The following GPC5 variants were observed in gnomAD, a reference collection of about 807,000 sequenced individuals.
GPC5 encodes the protein glypican-5.
A neutral mutation model predicts 53.9 loss-of-function variants in GPC5; 47 were observed. That is an observed-to-expected ratio of 0.87 (90% CI 0.69 to 1.11). The LOEUF is 1.11. Ranked by LOEUF, GPC5 falls within the 50% of genes most tolerant of loss-of-function variation. GPC5 has a pLI of 0.00. For synonymous variants in GPC5, 286 were observed against 263.3 expected (o/e 1.09, Z -0.84); for missense variants, 748 against 713.1 (o/e 1.05, Z -0.56).
chr13:92,754,962 G>C (rs1274862496), intron 7 of GPC5, among the ~76,000 whole-genome samples: 3 of 151,940 alleles, frequency 2.0e-5, no homozygotes, highest in African/African-American at 7.3e-5. Flanking sequence ...ATTGAACTCA[G>C]CTCTGCACCA....
intron 7 of GPC5, among the ~76,000 whole-genome samples, chr13:92,414,656 G>T (rs187842621): frequency 1.2e-3 from 177 of 152,290 alleles, no homozygotes; most frequent in South Asian, 3.9e-3. Flanking sequence ...GTCTGAGTTT[G>T]TTTGGGTTGT....
intron 7 of GPC5, among the ~76,000 whole-genome samples, chr13:92,361,061 C>T (rs1383312435): frequency 6.6e-6 from 1 of 151,766 alleles, no homozygotes; most frequent in East Asian, 1.9e-4. Flanking sequence ...TTAGTTGTAG[C>T]AGATGGCTGC....
chr13:91,961,950 CTG>C (rs2040129985), intron 6 of GPC5, among the ~76,000 whole-genome samples: 1 of 152,070 alleles, frequency 6.6e-6, no homozygotes, highest in South Asian at 2.1e-4. Flanking sequence ...ATGTATAAAT[CTG>C]TAACTTTTTC....
chr13:92,303,491 A>C (rs370063435), intron 7 of GPC5, among the ~76,000 whole-genome samples: 4 of 152,138 alleles, frequency 2.6e-5, no homozygotes, highest in Non-Finnish European at 4.4e-5. Flanking sequence ...ATAATACTAA[A>C]AATTTAAGAC....
chr13:92,401,275 T>C (rs1875546601), intron 7 of GPC5, among the ~76,000 whole-genome samples: 1 of 152,046 alleles, frequency 6.6e-6, no homozygotes, highest in Non-Finnish European at 1.5e-5. Context: ...GAAGTCTTTA[T>C]ATCTCCTGGG....
intron 7 of GPC5, among the ~76,000 whole-genome samples, chr13:92,367,862 G>A (rs1334968040): frequency 1.3e-5 from 2 of 152,162 alleles, no homozygotes; most frequent in African/African-American, 4.8e-5. Context: ...TGGAAATGAG[G>A]ACGGTGCAGG....
chr13:91,728,538 A>G lies in GPC5; in HGVS notation c.1027A>G (p.Arg343Gly). 1 of 1,610,220 alleles carries G rather than the reference A, an allele frequency of 6.2e-7. No individual in the cohort carries two copies. Among genetic ancestry groups the G allele is most frequent in the Non-Finnish European group, 8.5e-7 (1 of 1,178,050 alleles). ...NGQKLLEQVN[R>G]ICGRPVRTPT... ...AATGTTTTCTATTTAAAAGGTAAATAGGATTTGTGGCCGCCCTGTAAGAAC... is the reference window on the plus strand; with the variant it reads ...AATGTTTTCTATTTAAAAGGTAAATGGGATTTGTGGCCGCCCTGTAAGAAC... The change falls in exon 4 of 8, where the codon AGG (arginine) becomes GGG (glycine). Residue 343 changes from arginine to glycine, a missense_variant. Arg to Gly is a moderately radical substitution (Grantham distance 125). Transcript: ENST00000377067.
At chr13:92,127,904 C>A (rs1443845637) in intron 6 of GPC5, among the ~76,000 whole-genome samples, 2 of 152,004 alleles carry the variant, frequency 1.3e-5, no homozygotes, top group African/African-American at 4.8e-5. Context: ...CAATGTACAC[C>A]AGGCCAGGAA....
intron 7 of GPC5, among the ~76,000 whole-genome samples, chr13:92,372,808 T>C (rs2043662122): frequency 6.6e-6 from 1 of 152,234 alleles, no homozygotes; most frequent in African/African-American, 2.4e-5. Context: ...GAAAGATCAC[T>C]TCAGTCATTG....
intron 2 of GPC5, among the ~76,000 whole-genome samples, chr13:91,488,154 A>G (rs138072107): frequency 6.6e-6 from 1 of 152,280 alleles, no homozygotes; most frequent in African/African-American, 2.4e-5. Context: ...CTATTATGGC[A>G]TATATGGTCA....
intron 7 of GPC5, among the ~76,000 whole-genome samples, chr13:92,615,617 G>A (rs1369134868): frequency 6.6e-6 from 1 of 152,124 alleles, no homozygotes; most frequent in Non-Finnish European, 1.5e-5. Context: ...GTGTTCTTTA[G>A]ATGTTAAAAA....
chr13:92,444,663 C>T (rs1382809520), intron 7 of GPC5, among the ~76,000 whole-genome samples: 1 of 143,542 alleles, frequency 7.0e-6, no homozygotes, highest in Non-Finnish European at 1.5e-5. Context: ...AATAGGATGG[C>T]CCTCTAGTGA....
At chr13:92,578,045 T>C (rs1883244620) in intron 7 of GPC5, among the ~76,000 whole-genome samples, 1 of 152,210 alleles carries the variant, frequency 6.6e-6, no homozygotes, top group Non-Finnish European at 1.5e-5. Flanking sequence ...TTGCAAATGC[T>C]GTAGAACTTG....
intron 6 of GPC5, among the ~76,000 whole-genome samples, chr13:92,055,424 T>C (rs1425218620): frequency 6.6e-6 from 1 of 152,194 alleles, no homozygotes; most frequent in East Asian, 1.9e-4. Context: ...AAATTCAAAA[T>C]TGCTAACAAA....
At chr13:92,153,039 A>G (rs561165191) in intron 7 of GPC5, among the ~76,000 whole-genome samples, 23 of 152,356 alleles carry the variant, frequency 1.5e-4, no homozygotes, top group African/African-American at 5.3e-4. Context: ...ATCAAATCAT[A>G]CAGTCTCTCT....
At chr13:91,927,281 C>T (rs1335377922) in intron 6 of GPC5, among the ~76,000 whole-genome samples, 1 of 152,034 alleles carries the variant, frequency 6.6e-6, no homozygotes, top group Non-Finnish European at 1.5e-5. Context: ...CAGCAGAAAA[C>T]CCTGTCGTGC....
intron 5 of GPC5, among the ~76,000 whole-genome samples, chr13:91,814,865 C>T (rs1241144342): frequency 6.6e-6 from 1 of 152,050 alleles, no homozygotes; most frequent in Non-Finnish European, 1.5e-5. Context: ...TAATTGAATG[C>T]TGTTATACAT....
intron 7 of GPC5, among the ~76,000 whole-genome samples, chr13:92,569,154 A>G (rs1202364348): frequency 3.1e-5 from 4 of 129,110 alleles, no homozygotes; most frequent in Non-Finnish European, 6.2e-5. Context: ...TTCAATTCCC[A>G]CCTATGAGTG....
At chr13:92,102,126 G>C (rs183091726) in intron 6 of GPC5, among the ~76,000 whole-genome samples, 1 of 152,120 alleles carries the variant, frequency 6.6e-6, no homozygotes, top group African/African-American at 2.4e-5. Context: ...AAAACAAACA[G>C]TATAATTGAA....
Sources: gnomAD v4.1 joint callset for allele counts (sites outside exome capture counted in the v4.1 genomes callset) on GRCh38, gnomAD v4.1.1 for gene constraint, MANE v1.5 for transcripts, NCBI Gene and HGNC (gene_info 2026-07-23, HGNC 2026-07-21) for gene names.